The following TTC3 variants were observed in gnomAD, a reference collection of about 807,000 sequenced individuals.
TTC3 encodes the protein E3 ubiquitin-protein ligase TTC3.
TTC3 carries 180 observed loss-of-function variants against 249.6 expected under a neutral mutation model. The observed-to-expected ratio is 0.72, with a 90% CI of 0.64 to 0.82. The LOEUF (loss-of-function observed/expected upper bound fraction) is 0.82. Among genes scored for constraint, TTC3 ranks in the 40% least tolerant of loss-of-function variants. TTC3 has a pLI of 0.00. For synonymous variants in TTC3, 717 were observed against 805.0 expected (o/e 0.89, Z 1.85); for missense variants, 2,061 against 2,398.4 (o/e 0.86, Z 2.94).
At position 37,109,821 on chromosome 21, in the gene TTC3, G is replaced by A. The variant is rs1424969148; in HGVS notation, c.900+1375G>A. On this transcript the variant is annotated intron_variant, in intron 11 of 45. Transcript: ENST00000355666. Reference sequence around the variant, plus strand: ...CTGGGAGGCACCCCCCAGTAGGGGCGGACTGACACCTCACACGGCCGGGTA... The same window carrying A: ...CTGGGAGGCACCCCCCAGTAGGGGCAGACTGACACCTCACACGGCCGGGTA... Among the ~76,000 whole-genome samples, 6 of 152,300 alleles carry A rather than the reference G, an allele frequency of 3.9e-5. No homozygotes were observed. The East Asian group carries it at 7.7e-4, about 20-fold the overall frequency.
intron 1 of TTC3, among the ~76,000 whole-genome samples, chr21:37,073,974 G>A (rs1215810684): frequency 6.6e-6 from 1 of 152,238 alleles, no homozygotes; most frequent in Non-Finnish European, 1.5e-5. Flanking sequence ...GGGTCCTGTT[G>A]AGTGCGTGAT....
At chr21:37,169,719 A>G (rs2081571696) in intron 34 of TTC3, among the ~76,000 whole-genome samples, 1 of 135,530 alleles carries the variant, frequency 7.4e-6, no homozygotes, top group Non-Finnish European at 1.6e-5. Context: ...GTGGTGGTGG[A>G]CACCTGTAAC....
chr21:37,082,422 C>A, intron 1 of TTC3: 1 of 897,890 alleles, frequency 1.1e-6, no homozygotes, highest in Non-Finnish European at 1.3e-6. Flanking sequence ...TCTGTTTGAT[C>A]TTTGTGGTGA....
intron 11 of TTC3, among the ~76,000 whole-genome samples, chr21:37,117,741 G>T (rs1228519497): frequency 6.7e-6 from 1 of 150,188 alleles, no homozygotes; most frequent in Non-Finnish European, 1.5e-5. Context: ...ATGGTGGCAT[G>T]TGCCTATAAT....
intron 27 of TTC3, among the ~76,000 whole-genome samples, chr21:37,154,958 G>A (rs928275929): frequency 6.6e-5 from 10 of 152,184 alleles, no homozygotes; most frequent in African/African-American, 9.7e-5. Context: ...GCCTCCTAAA[G>A]TGCTGGGATT....
chr21:37,160,198 C>T (rs948336638), intron 29 of TTC3, among the ~76,000 whole-genome samples: 46 of 152,156 alleles, frequency 3.0e-4, no homozygotes, highest in African/African-American at 1.1e-3. Flanking sequence ...TTTATTCATT[C>T]TTCAGAAATT....
In TTC3 at chr21:37,087,244, T is replaced by C. The variant is rs375612625; in HGVS notation, c.-11-3T>C. On this transcript the variant is annotated splice_region_variant and splice_polypyrimidine_tract_variant and intron_variant, in intron 1 of 45. Coordinates refer to ENST00000355666, the Ensembl canonical transcript of TTC3. ...CTGACTTGAGTTTGTGTTGTCTCCT[T>C]AGACTTGTGCACCATGGACAATTTT... The C allele has an allele frequency of 1.1e-5, 18 of 1,613,360 alleles. No individual in the cohort carries two copies. The highest frequency in any genetic ancestry group is 8.5e-7 in the Non-Finnish European group (1 of 1,179,874).
chr21:37,091,412 A>T, exon 7 of TTC3: 1 of 1,605,228 alleles, frequency 6.2e-7, no homozygotes, highest in Non-Finnish European at 8.5e-7. Context: ...TCTTTACTGA[A>T]TGTAAGTATA....
intron 16 of TTC3, among the ~76,000 whole-genome samples, chr21:37,131,985 G>A (rs768291052): frequency 1.4e-4 from 21 of 152,154 alleles, no homozygotes; most frequent in Non-Finnish European, 2.4e-4. Context: ...TGTTTATTGG[G>A]CACATTTATT....
chr21:37,159,548 T>A, intron 28 of TTC3, 151 bp from the exon 29 acceptor site: 1 of 788,002 alleles, frequency 1.3e-6, no homozygotes, highest in Non-Finnish European at 1.9e-6. Context: ...CATTTTGCCC[T>A]TGGTTTCTAA....
At chr21:37,104,216 C>T (rs2074822202) in intron 10 of TTC3, among the ~76,000 whole-genome samples, 1 of 152,170 alleles carries the variant, frequency 6.6e-6, no homozygotes, top group Non-Finnish European at 1.5e-5. Context: ...TATGGGCCTA[C>T]TCACTCACAT....
intron 10 of TTC3, chr21:37,098,995 C>T (rs1430677173): frequency 2.0e-5 from 3 of 152,146 alleles, no homozygotes; most frequent in Non-Finnish European, 2.9e-5. Context: ...GGATGCACTC[C>T]TCAGCTGTTC....
chr21:37,201,284 C>A lies in TTC3; in HGVS notation c.5944-156C>A, dbSNP rs373454078. Among the ~76,000 whole-genome samples the A allele has an allele frequency of 1.9e-4, 29 of 152,266 alleles. No homozygotes were observed. The East Asian group carries it at 3.9e-3, about 20-fold the overall frequency. ...GCTGGGGCTTTGTCCACACTCTGGCCTGAGCGGGTGTTGGTGTCCCTGAGT... is the reference window on the plus strand; with the variant it reads ...GCTGGGGCTTTGTCCACACTCTGGCATGAGCGGGTGTTGGTGTCCCTGAGT... On this transcript the variant is annotated intron_variant, in intron 45 of 45. Coordinates refer to ENST00000355666, the Ensembl canonical transcript of TTC3.
At chr21:37,158,458 C>A (rs1412776551) in intron 28 of TTC3, among the ~76,000 whole-genome samples, 5 of 152,192 alleles carry the variant, frequency 3.3e-5, no homozygotes, top group African/African-American at 1.2e-4. Context: ...TCCACCTTCA[C>A]CCCAAACATT....
Position 37,159,758 on chromosome 21 carries a change from GA to G in TTC3, c.3039+14del, listed in dbSNP as rs2080505402. On this transcript the variant is annotated intron_variant, in intron 29 of 45. Coordinates refer to ENST00000355666, the Ensembl canonical transcript of TTC3. ...TGGTGAAGCACCGGTAAGTTACTTG[GA>G]TCACTTGAATCTTACGTTCTAATCT... 7.5e-6 allele frequency: 11 copies of G among 1,461,124 alleles called. No individual in the cohort carries two copies. Among genetic ancestry groups the G allele is most frequent in the Non-Finnish European group, 9.9e-6 (11 of 1,111,364 alleles). The allele number at this position is 1,461,124 out of a possible 1,614,324, so 90.5% of individuals were successfully genotyped here. A position where few individuals can be genotyped will look rare whatever the true frequency, so the allele number is the denominator to read the frequency against.
At chr21:37,172,627 A>C in exon 35 of TTC3, 1 of 1,613,460 alleles carries the variant, frequency 6.2e-7, no homozygotes, top group East Asian at 2.2e-5. Flanking sequence ...AGGAGCACCA[A>C]GTATTACAAG....
chr21:37,103,022 G>C (rs2074667951), intron 10 of TTC3, among the ~76,000 whole-genome samples: 1 of 152,122 alleles, frequency 6.6e-6, no homozygotes, highest in African/African-American at 2.4e-5. Flanking sequence ...TCCAAAGAGT[G>C]AGAAAAAGAA....
chr21:37,182,691 A>G (rs2148153805), intron 35 of TTC3, 83 bp from the exon 36 acceptor site: 3 of 1,338,030 alleles, frequency 2.2e-6, no homozygotes, highest in Non-Finnish European at 3.0e-6. Context: ...AAGCTATGGC[A>G]CCGTCACAAT....
chr21:37,146,222 G>A (rs2078970960), intron 21 of TTC3, among the ~76,000 whole-genome samples: 1 of 152,154 alleles, frequency 6.6e-6, no homozygotes, highest in South Asian at 2.1e-4. Context: ...GGGCAACAGA[G>A]TGAGAGTCTG....
Sources: gnomAD v4.1 joint callset for allele counts (sites outside exome capture counted in the v4.1 genomes callset) on GRCh38, gnomAD v4.1.1 for gene constraint, MANE v1.5 for transcripts, NCBI Gene and HGNC (gene_info 2026-07-23, HGNC 2026-07-21) for gene names.